Variants in SREK1IP1 observed in about 807,000 individuals in gnomAD.
SREK1IP1 encodes the protein protein SREK1IP1.
A neutral mutation model predicts 22.8 loss-of-function variants in SREK1IP1; 12 were observed. The ratio of observed to expected loss-of-function variants is 0.53; its 90% confidence interval spans 0.34 to 0.85. The LOEUF is 0.85. Among genes scored for constraint, SREK1IP1 ranks in the 40% least tolerant of loss-of-function variants. The pLI, the probability that SREK1IP1 is intolerant of heterozygous loss-of-function variation, is 0.02. For synonymous variants in SREK1IP1, 53 were observed against 52.7 expected (o/e 1.01, Z -0.02); for missense variants, 147 against 171.8 (o/e 0.86, Z 0.81).
chr5:64,750,475 C>G (rs1012792761), intron 2 of SREK1IP1, among the ~76,000 whole-genome samples: 3 of 152,134 alleles, frequency 2.0e-5, no homozygotes, highest in African/African-American at 7.2e-5. Context: ...TGTTACCCAC[C>G]ACTCCCCCAC....
chr5:64,726,708 G>A (rs1015262842), intron 4 of SREK1IP1, among the ~76,000 whole-genome samples: 1 of 152,126 alleles, frequency 6.6e-6, no homozygotes, highest in Non-Finnish European at 1.5e-5. Context: ...TAACGTGGCT[G>A]CCCTTAAATA....
At chr5:64,764,468 T>C (rs1025128300) in intron 1 of SREK1IP1, among the ~76,000 whole-genome samples, 6 of 152,170 alleles carry the variant, frequency 3.9e-5, no homozygotes, top group African/African-American at 1.4e-4. Flanking sequence ...CACAGAATAA[T>C]TGGCCAAGTC....
At chr5:64,760,676 TGTAA>T (rs1375284187) in intron 1 of SREK1IP1, among the ~76,000 whole-genome samples, 6 of 152,232 alleles carry the variant, frequency 3.9e-5, no homozygotes, top group African/African-American at 1.2e-4. Context: ...ACTCTTAGTT[TGTAA>T]GTGAGTGTGC....
At chr5:64,740,731 G>A (rs1024530811) in intron 3 of SREK1IP1, among the ~76,000 whole-genome samples, 7 of 152,120 alleles carry the variant, frequency 4.6e-5, no homozygotes, top group African/African-American at 7.2e-5. Context: ...TGAAAGTCAT[G>A]TGCTAAAACA....
chr5:64,754,515 A>G, intron 1 of SREK1IP1, 153 bp from the exon 2 acceptor site: 1 of 662,064 alleles, frequency 1.5e-6, no homozygotes, highest in East Asian at 2.9e-5. Context: ...CCAAGGCTAG[A>G]GTACACTGAC....
At position 64,722,665 on chromosome 5, in the gene SREK1IP1, T is replaced by C. The variant is rs1422588307; in HGVS notation, c.*1719A>G. ...CCCTAAAAACCTACTGGCTCTGTAT[T>C]TTTTCTCCCAGTAACTGACTGACCT... On this transcript the variant is annotated 3_prime_UTR_variant, in exon 5 of 5. Transcript: ENST00000513458. The C allele has an allele frequency of 6.6e-6, 1 of 152,210 alleles. No individual in the cohort carries two copies. The highest frequency in any genetic ancestry group is 6.5e-5 in the Admixed American group (1 of 15,282). 9.4% of individuals were successfully genotyped at this position (152,210 alleles called of 1,614,324 possible). A position where few individuals can be genotyped will look rare whatever the true frequency, so the allele number is the denominator to read the frequency against.
chr5:64,737,507 CAAAA>C (rs34983078), intron 3 of SREK1IP1, among the ~76,000 whole-genome samples: 4 of 95,084 alleles, frequency 4.2e-5, no homozygotes, highest in Non-Finnish European at 7.1e-5. Flanking sequence ...TTCATACTGT[CAAAA>C]AAAAAAAAAA....
chr5:64,768,217 T>G (rs922134285), intron 1 of SREK1IP1, among the ~76,000 whole-genome samples: 3 of 152,124 alleles, frequency 2.0e-5, no homozygotes, highest in Admixed American at 6.5e-5. Context: ...GCTTGCCCCC[T>G]TAGGCCTACA....
At chr5:64,761,455 C>G (rs1320487355) in intron 1 of SREK1IP1, among the ~76,000 whole-genome samples, 3 of 152,162 alleles carry the variant, frequency 2.0e-5, no homozygotes, top group Non-Finnish European at 4.4e-5. Context: ...GTACATAAAT[C>G]TGGGTGATAT....
chr5:64,761,475 T>C (rs1742951357), intron 1 of SREK1IP1, among the ~76,000 whole-genome samples: 1 of 152,240 alleles, frequency 6.6e-6, no homozygotes, highest in Admixed American at 6.5e-5. Flanking sequence ...TAGCCTGCTA[T>C]ACACCTAGGC....
At chr5:64,741,029 C>A in intron 3 of SREK1IP1, 28 bp downstream of exon 3, 1 of 1,591,996 alleles carries the variant, frequency 6.3e-7, no homozygotes, top group Non-Finnish European at 8.6e-7. Flanking sequence ...ACAAACATTT[C>A]TAAAGAATGG....
chr5:64,765,195 A>ATTTGAGT (rs1561393998), intron 1 of SREK1IP1: 6 of 152,228 alleles, frequency 3.9e-5, no homozygotes, highest in Non-Finnish European at 5.9e-5. Flanking sequence ...TTATTTCTAT[A>ATTTGAGT]ATAACAACTA....
chr5:64,721,976 TTAGA>T lies in SREK1IP1; in HGVS notation c.*2404_*2407del, dbSNP rs1181155643. On this transcript the variant is annotated 3_prime_UTR_variant, in exon 5 of 5. Transcript: ENST00000513458. ...ACTTTGTTCAAGATCATACAGGTAG[TTAGA>T]ATGACCAGGACTGTTTTACTGCTAA... The T allele has an allele frequency of 2.6e-5, 4 of 152,278 alleles. No homozygotes were observed. The highest frequency in any genetic ancestry group is 9.6e-5 in the African/African-American group (4 of 41,562). 9.4% of individuals were successfully genotyped at this position (152,278 alleles called of 1,614,324 possible). A position where few individuals can be genotyped will look rare whatever the true frequency, so the allele number is the denominator to read the frequency against.
In SREK1IP1 at chr5:64,720,664, C is replaced by G. The variant is rs557637562; in HGVS notation, c.*3720G>C. The G allele has an allele frequency of 1.3e-5, 2 of 152,214 alleles. No individual in the cohort carries two copies. Among genetic ancestry groups the G allele is most frequent in the Admixed American group, 6.5e-5 (1 of 15,274 alleles). 9.4% of individuals were successfully genotyped at this position (152,214 alleles called of 1,614,324 possible). A position where few individuals can be genotyped will look rare whatever the true frequency, so the allele number is the denominator to read the frequency against. ...CTGGGAATACAGGTGCCTGTCACCA[C>G]GTCCGGCTAATTTTTCTATTTTTAG... On this transcript the variant is annotated 3_prime_UTR_variant, in exon 5 of 5. Coordinates refer to ENST00000513458, the MANE Select transcript of SREK1IP1 (RefSeq NM_173829.4).
At chr5:64,739,837 G>T (rs1345579761) in intron 3 of SREK1IP1, among the ~76,000 whole-genome samples, 1 of 151,528 alleles carries the variant, frequency 6.6e-6, no homozygotes, top group Non-Finnish European at 1.5e-5. Flanking sequence ...TTTTCAGCTT[G>T]TTCTAGCACC....
At chr5:64,754,073 C>T (rs1289464974) in intron 2 of SREK1IP1, among the ~76,000 whole-genome samples, 2 of 152,216 alleles carry the variant, frequency 1.3e-5, no homozygotes, top group Non-Finnish European at 2.9e-5. Context: ...CTACTAACCA[C>T]CTGTATCTTC....
At chr5:64,764,472 C>A (rs1341126449) in intron 1 of SREK1IP1, among the ~76,000 whole-genome samples, 1 of 152,050 alleles carries the variant, frequency 6.6e-6, no homozygotes, top group African/African-American at 2.4e-5. Context: ...GAATAATTGG[C>A]CAAGTCAGAT....
At chr5:64,731,508 T>C (rs1012086285) in intron 3 of SREK1IP1, among the ~76,000 whole-genome samples, 1 of 121,226 alleles carries the variant, frequency 8.2e-6, no homozygotes, top group Non-Finnish European at 1.6e-5. Context: ...GACAACAGAG[T>C]GGGCCCTTGT....
chr5:64,744,252 G>A (rs888233606), intron 2 of SREK1IP1, among the ~76,000 whole-genome samples: 2 of 152,116 alleles, frequency 1.3e-5, no homozygotes, highest in African/African-American at 4.8e-5. Context: ...GGTGCAAGAC[G>A]CTGGAAGTAA....
Sources: gnomAD v4.1 joint callset for allele counts (sites outside exome capture counted in the v4.1 genomes callset) on GRCh38, gnomAD v4.1.1 for gene constraint, MANE v1.5 for transcripts, NCBI Gene and HGNC (gene_info 2026-07-23, HGNC 2026-07-21) for gene names.